The following ING2 variants were observed in gnomAD, a reference collection of about 807,000 sequenced individuals.
ING2 encodes inhibitor of growth protein 2.
In ING2, 7 loss-of-function variants were observed where a neutral mutation model predicts 30.6. The observed-to-expected ratio is 0.23, with a 90% CI of 0.13 to 0.43. ING2 has a LOEUF of 0.43. Among genes scored for constraint, ING2 ranks in the 20% least tolerant of loss-of-function variants. The pLI is 1.00. For synonymous variants in ING2, 136 were observed against 121.7 expected (o/e 1.12, Z -0.78); for missense variants, 239 against 334.9 (o/e 0.71, Z 2.24).
At chr4:183,507,026 A>C (rs562414685) in intron 1 of ING2, among the ~76,000 whole-genome samples, 1 of 152,334 alleles carries the variant, frequency 6.6e-6, no homozygotes, top group South Asian at 2.1e-4. Flanking sequence ...TGGTAACCTA[A>C]AAATGATACG....
At chr4:183,509,727 GC>G (rs1419359729) in intron 1 of ING2, among the ~76,000 whole-genome samples, 1 of 137,706 alleles carries the variant, frequency 7.3e-6, no homozygotes, top group Admixed American at 7.4e-5. Flanking sequence ...GAGCCACCGC[GC>G]CTGGCCTTTT....
chr4:183,505,852 G>A (rs1187151894), intron 1 of ING2, among the ~76,000 whole-genome samples: 1 of 151,978 alleles, frequency 6.6e-6, no homozygotes, highest in South Asian at 2.1e-4. Flanking sequence ...CCGCGGAGGC[G>A]GACTGAGGGG....
At position 183,512,242 on chromosome 4, in the gene ING2, G is replaced by A. The variant is rs1436852565; in HGVS notation, c.*1290G>A. On this transcript the variant is annotated 3_prime_UTR_variant, in exon 2 of 2. Coordinates refer to ENST00000302327, the MANE Select transcript of ING2 (RefSeq NM_001564.4). ...GAAAAATCCTGTCTGCTTGTTTTGG[G>A]AAAAAAAAATGCTTTTTTTCTCTTC... Among the ~76,000 whole-genome samples, 3 of 150,068 alleles carry A rather than the reference G, an allele frequency of 2.0e-5. No individual in the cohort carries two copies. The highest frequency in any genetic ancestry group is 7.4e-5 in the African/African-American group (3 of 40,794).
intron 1 of ING2, chr4:183,506,055 G>T (rs964179918): frequency 9.0e-7 from 1 of 1,110,126 alleles, no homozygotes; most frequent in African/African-American, 1.7e-5. Context: ...CGCGCCGGGG[G>T]CGGGGCCTGC....
In ING2 at chr4:183,505,386, C is replaced by T. The variant is rs1222671636; in HGVS notation, c.172+19C>T. ...TATCAAGGTAGGAGCCGCGGGGCTGCCGGCCTCGGGAGCCGGTGGCGGGGA... is the reference window on the plus strand; with the variant it reads ...TATCAAGGTAGGAGCCGCGGGGCTGTCGGCCTCGGGAGCCGGTGGCGGGGA... On this transcript the variant is annotated intron_variant, in intron 1 of 1. Coordinates refer to ENST00000302327, the MANE Select transcript of ING2 (RefSeq NM_001564.4). 6.6e-7 allele frequency: 1 copy of T among 1,511,754 alleles called. No homozygotes were observed. Among genetic ancestry groups the T allele is most frequent in the Admixed American group, 2.1e-5 (1 of 48,054 alleles). The allele number at this position is 1,511,754 out of a possible 1,614,324, so 93.6% of individuals were successfully genotyped here.
Position 183,506,062 on chromosome 4 carries a change from C to A in ING2, c.172+695C>A, listed in dbSNP as rs1414003016. ...AGGGCCCCCGCGCCGGGGGCGGGGC[C>A]TGCGGGCTTGACGAGGGGCGTGGGA... On this transcript the variant is annotated intron_variant, in intron 1 of 1. Transcript: ENST00000302327. The A allele has an allele frequency of 3.5e-6, 4 of 1,131,208 alleles. No homozygotes were observed. The Admixed American group carries it at 1.9e-4, about 54-fold the overall frequency. 70.1% of individuals were successfully genotyped at this position (1,131,208 alleles called of 1,614,324 possible).
intron 1 of ING2, among the ~76,000 whole-genome samples, chr4:183,509,175 A>G (rs536336149): frequency 9.2e-5 from 14 of 152,354 alleles, no homozygotes; most frequent in African/African-American, 2.6e-4. Context: ...TTAAGAATGT[A>G]TGATGTGAAA....
At chr4:183,506,333 A>T (rs945731151) in intron 1 of ING2, 3 of 1,299,580 alleles carry the variant, frequency 2.3e-6, no homozygotes, top group Non-Finnish European at 3.0e-6. Context: ...GTTCCGGGAC[A>T]TGTGTCACTT....
rs543006786 is a variant in ING2, at chr4:183,510,859, G to C, written c.750G>C (p.Lys250Asn). 1 of 1,614,070 alleles carries C rather than the reference G, an allele frequency of 6.2e-7. No homozygotes were observed. The highest frequency in any genetic ancestry group is 1.7e-5 in the Admixed American group (1 of 60,014). Residue 250 changes from lysine (K) to asparagine (N), a missense_variant, in exon 2 of 2, where the codon AAG (lysine) becomes AAC (asparagine). This residue lies in a region of ING2 where 22 missense variants were observed against 77.0 expected (regional missense o/e 0.29). Transcript: ENST00000302327. ...FSCVSLTYKP[K>N]GKWYCPKCRG... Reference sequence around the variant, plus strand: ...GTGTTTCACTTACCTATAAACCAAAGGGGAAATGGTATTGCCCAAAGTGCA... The same window carrying C: ...GTGTTTCACTTACCTATAAACCAAACGGGAAATGGTATTGCCCAAAGTGCA...
intron 1 of ING2, chr4:183,506,339 C>G (rs1467150833): frequency 1.5e-6 from 2 of 1,294,888 alleles, no homozygotes; most frequent in Admixed American, 4.6e-5. Flanking sequence ...GGACATGTGT[C>G]ACTTCCGGGC....
intron 1 of ING2, among the ~76,000 whole-genome samples, chr4:183,505,913 T>G (rs1391014722): frequency 6.6e-6 from 1 of 151,970 alleles, no homozygotes; most frequent in African/African-American, 2.4e-5. Flanking sequence ...TCCGTTCCGC[T>G]CTCTCGCCCC....
intron 1 of ING2, among the ~76,000 whole-genome samples, chr4:183,508,807 G>A (rs915051723): frequency 1.3e-5 from 2 of 152,156 alleles, no homozygotes; most frequent in African/African-American, 4.8e-5. Flanking sequence ...AAATAAAACG[G>A]ATTCGAGCAA....
Position 183,505,081 on chromosome 4 carries a change from CGGCTGCGGGGTCCCCGCGGCGCCG to C in ING2, c.-108_-85del. 1 of 1,006,090 alleles carries C rather than the reference CGGCTGCGGGGTCCCCGCGGCGCCG, an allele frequency of 9.9e-7. No individual in the cohort carries two copies. 62.3% of individuals were successfully genotyped at this position (1,006,090 alleles called of 1,614,324 possible). A position where few individuals can be genotyped will look rare whatever the true frequency, so the allele number is the denominator to read the frequency against. ...GGGAGCGCGGCCGTGCCCTCTCGAG[CGGCTGCGGGGTCCCCGCGGCGCCG>C]GGCTGCTGAGCTGAGGGCCCGCGGC... On this transcript the variant is annotated 5_prime_UTR_variant, in exon 1 of 2. Coordinates refer to ENST00000302327, the MANE Select transcript of ING2 (RefSeq NM_001564.4).
At chr4:183,508,651 A>G (rs753397581) in intron 1 of ING2, among the ~76,000 whole-genome samples, 1 of 152,178 alleles carries the variant, frequency 6.6e-6, no homozygotes, top group Non-Finnish European at 1.5e-5. Context: ...TTACTTGCAG[A>G]CAGCCCCAAT....
rs761810227 is a variant in ING2, at chr4:183,510,845, A to G, written c.736A>G (p.Thr246Ala). 6.2e-7 allele frequency: 1 copy of G among 1,614,224 alleles called. No homozygotes were observed. Among genetic ancestry groups the G allele is most frequent in the Non-Finnish European group, 8.5e-7 (1 of 1,180,030 alleles). ...EWFHFSCVSL[T>A]YKPKGKWYCP... is the part of the protein sequence containing the mutation. ...GTTTCACTTTTCATGTGTTTCACTT[A>G]CCTATAAACCAAAGGGGAAATGGTA... The change falls in exon 2 of 2, where the codon ACC becomes GCC. Residue 246 changes from threonine to alanine, a missense_variant. Coordinates refer to ENST00000302327, the MANE Select transcript of ING2 (RefSeq NM_001564.4).
At position 183,510,952 on chromosome 4, in the gene ING2, G is replaced by A. The variant is rs111982284; in HGVS notation, c.843G>A (p.Ter281=). ...EKTKKDRRSR[*] ...CAAAAAAGGATAGAAGATCGAGGTA[G>A]TAAAGGCCATCCACATTTTAAAGGG... Residue 281 remains the stop codon, a stop_retained_variant, in exon 2 of 2, where the codon TAG becomes TAA. Transcript: ENST00000302327. The A allele has an allele frequency of 1.1e-3, 1,706 of 1,570,688 alleles. 4 individuals are homozygous for A. Among genetic ancestry groups the A allele is most frequent in the Non-Finnish European group, 1.4e-3 (1,584 of 1,157,424 alleles).
At chr4:183,505,790 C>T (rs551031963) in intron 1 of ING2, among the ~76,000 whole-genome samples, 1 of 151,994 alleles carries the variant, frequency 6.6e-6, no homozygotes, top group African/African-American at 2.4e-5. Flanking sequence ...CTCACTCGCC[C>T]CCACCCCGGA....
At position 183,505,088 on chromosome 4, in the gene ING2, GGGGTCCCCGCGGCGCCGGGCTGCT is replaced by G. The variant is rs1296691652; in HGVS notation, c.-106_-83del. 9.0e-7 allele frequency: 1 copy of G among 1,115,748 alleles called. No homozygotes were observed. The highest frequency in any genetic ancestry group is 1.2e-6 in the Non-Finnish European group (1 of 863,956). 69.1% of individuals were successfully genotyped at this position (1,115,748 alleles called of 1,614,324 possible). A position where few individuals can be genotyped will look rare whatever the true frequency, so the allele number is the denominator to read the frequency against. ...CGGCCGTGCCCTCTCGAGCGGCTGC[GGGGTCCCCGCGGCGCCGGGCTGCT>G]GAGCTGAGGGCCCGCGGCGGCCGCG... On this transcript the variant is annotated 5_prime_UTR_variant, in exon 1 of 2. Coordinates refer to ENST00000302327, the MANE Select transcript of ING2 (RefSeq NM_001564.4).
chr4:183,506,036 G>C, intron 1 of ING2: 4 of 1,064,974 alleles, frequency 3.8e-6, no homozygotes, highest in Non-Finnish European at 4.7e-6. Context: ...GTGTGGCGGG[G>C]AGGGCCCCCG....
Sources: gnomAD v4.1 joint callset for allele counts (sites outside exome capture counted in the v4.1 genomes callset) on GRCh38, gnomAD v4.1.1 for gene constraint, gnomAD v4.1.1 regional missense constraint, MANE v1.5 for transcripts, NCBI Gene and HGNC (gene_info 2026-07-23, HGNC 2026-07-21) for gene names.